Variants in VPS53 observed in about 807,000 individuals in gnomAD.
VPS53 encodes the protein VPS53 subunit of GARP complex.
In VPS53, 70 loss-of-function variants were observed where a neutral mutation model predicts 107.0. The ratio of observed to expected loss-of-function variants is 0.65; its 90% CI spans 0.54 to 0.80. The LOEUF (loss-of-function observed/expected upper bound fraction) is 0.80. Among genes scored for constraint, VPS53 ranks in the 30% least tolerant of loss-of-function variants. VPS53 has a pLI of 0.00. For synonymous variants in VPS53, 409 were observed against 393.3 expected (o/e 1.04, Z -0.47); for missense variants, 917 against 1,049.4 (o/e 0.87, Z 1.74).
At chr17:597,998 T>C (rs1421407573) in intron 12 of VPS53, among the ~76,000 whole-genome samples, 927 of 8,920 alleles carry the variant, frequency 0.1, 10 homozygotes, top group Middle Eastern at 0.25. Flanking sequence ...TCCCTCTCTT[T>C]CCACGGTCTC....
At chr17:558,509 C>G (rs1912646605) in intron 15 of VPS53, among the ~76,000 whole-genome samples, 1 of 152,154 alleles carries the variant, frequency 6.6e-6, no homozygotes, top group South Asian at 2.1e-4. Flanking sequence ...TGATGGGAAC[C>G]CGTAGTCCCA....
At chr17:554,585 T>G (rs1256061641) in intron 15 of VPS53, among the ~76,000 whole-genome samples, 1 of 152,176 alleles carries the variant, frequency 6.6e-6, no homozygotes, top group Non-Finnish European at 1.5e-5. Flanking sequence ...GTATTTTTAG[T>G]AGAGACGGGG....
chr17:534,464 C>A (rs1414921929), intron 18 of VPS53, among the ~76,000 whole-genome samples: 3 of 152,096 alleles, frequency 2.0e-5, no homozygotes, highest in Non-Finnish European at 2.9e-5. Flanking sequence ...GAGATCGGAT[C>A]TGGAGGTGGC....
At chr17:695,427 TAAGCACAGGTCCAGA>T (rs1429642906) in intron 4 of VPS53, among the ~76,000 whole-genome samples, 1 of 152,134 alleles carries the variant, frequency 6.6e-6, no homozygotes, top group African/African-American at 2.4e-5. Context: ...AAAGAGTCTG[TAAGCACAGGTCCAGA>T]AAGCACAGGC....
In VPS53 at chr17:520,041, C is replaced by T. The variant is rs564517359; in HGVS notation, c.2224-111G>A. ...TACCCACCGCAGGAGGAGACGGGAGCGGGCCCTTCAGGAAAACTCACTCCT... is the reference window on the plus strand; with the variant it reads ...TACCCACCGCAGGAGGAGACGGGAGTGGGCCCTTCAGGAAAACTCACTCCT... On this transcript the variant is annotated intron_variant, in intron 20 of 21. Transcript: ENST00000437048. The surrounding 1 kb of genome is among the most constrained non-coding windows in gnomAD (Gnocchi z 4.4). 3.1e-5 allele frequency: 22 copies of T among 715,428 alleles called. No homozygotes were observed. The highest frequency in any genetic ancestry group is 7.7e-5 in the Admixed American group (3 of 38,928). 44.3% of individuals were successfully genotyped at this position (715,428 alleles called of 1,614,324 possible).
intron 12 of VPS53, among the ~76,000 whole-genome samples, chr17:597,863 C>T (rs910601945): frequency 1.3e-5 from 2 of 152,058 alleles, no homozygotes; most frequent in Non-Finnish European, 2.9e-5. Context: ...AGCCACCATT[C>T]CCGGCCATTT....
chr17:708,005 A>T (rs1424593776), intron 2 of VPS53, among the ~76,000 whole-genome samples: 2 of 152,140 alleles, frequency 1.3e-5, no homozygotes, highest in Non-Finnish European at 2.9e-5. Context: ...CACTGTGCAC[A>T]TCTTATGTCT....
intron 13 of VPS53, among the ~76,000 whole-genome samples, chr17:584,125 C>T (rs1597341511): frequency 6.6e-6 from 1 of 152,252 alleles, no homozygotes; most frequent in Non-Finnish European, 1.5e-5. Context: ...TCCCTCAGGA[C>T]TTTCCTGCAG....
chr17:641,147 C>T (rs113734490), intron 7 of VPS53, among the ~76,000 whole-genome samples: 1,816 of 152,150 alleles, frequency 0.012, 28 homozygotes, highest in African/African-American at 0.041. Context: ...TGAGTCACTG[C>T]GCCCAGCCTC....
chr17:613,033 T>A (rs1237711992), intron 11 of VPS53, among the ~76,000 whole-genome samples: 184 of 145,804 alleles, frequency 1.3e-3, no homozygotes, highest in African/African-American at 3.9e-3. Flanking sequence ...CACAGCAGTA[T>A]TCAAATAGTG....
intron 7 of VPS53, among the ~76,000 whole-genome samples, chr17:643,146 T>C (rs556192881): frequency 3.1e-4 from 34 of 108,952 alleles, no homozygotes; most frequent in Non-Finnish European, 4.5e-4. Flanking sequence ...ACAACACTCA[T>C]ACTTGGAAAG....
intron 4 of VPS53, among the ~76,000 whole-genome samples, chr17:691,995 A>G (rs1972792052): frequency 6.6e-6 from 1 of 152,036 alleles, no homozygotes; most frequent in African/African-American, 2.4e-5. Flanking sequence ...GTAAGTGGGG[A>G]CGACTTGTAA....
chr17:664,798 C>T (rs1319995187), intron 4 of VPS53, among the ~76,000 whole-genome samples: 1 of 152,094 alleles, frequency 6.6e-6, no homozygotes, highest in Non-Finnish European at 1.5e-5. Context: ...TCAGGGTTTC[C>T]AGGAAGGTAC....
chr17:552,266 A>T (rs533104825), intron 16 of VPS53, among the ~76,000 whole-genome samples: 1 of 151,102 alleles, frequency 6.6e-6, no homozygotes, highest in Non-Finnish European at 1.5e-5. Flanking sequence ...ATAAAAAGCT[A>T]AGAAAAGTGG....
At chr17:684,605 G>C (rs1257642830) in intron 4 of VPS53, among the ~76,000 whole-genome samples, 1 of 152,146 alleles carries the variant, frequency 6.6e-6, no homozygotes, top group Non-Finnish European at 1.5e-5. Context: ...ATTTAATATT[G>C]TAAAGATGTC....
At chr17:580,236 C>T (rs557897562) in intron 13 of VPS53, among the ~76,000 whole-genome samples, 3 of 150,564 alleles carry the variant, frequency 2.0e-5, no homozygotes, top group Non-Finnish European at 2.9e-5. Context: ...GAAACTAATG[C>T]GTTCCCAGAG....
At chr17:661,947 G>C (rs1309699369) in intron 4 of VPS53, 52 bp from the exon 5 acceptor site, 7 of 1,406,556 alleles carry the variant, frequency 5.0e-6, no homozygotes, top group Non-Finnish European at 5.9e-6. Flanking sequence ...GACAGCTCCA[G>C]TCACTAACTG....
intron 12 of VPS53, among the ~76,000 whole-genome samples, chr17:591,873 T>C (rs759363172): frequency 2.6e-5 from 4 of 152,118 alleles, no homozygotes; most frequent in Non-Finnish European, 4.4e-5. Flanking sequence ...GGAGAGTTGA[T>C]TTGGGGTGGA....
chr17:559,083 C>T (rs17608366), intron 15 of VPS53, among the ~76,000 whole-genome samples: 32,524 of 151,940 alleles, frequency 0.21, 4,122 homozygotes, highest in Non-Finnish European at 0.29. Context: ...AATAATGACC[C>T]TGTAATGATA....
Sources: gnomAD v4.1 joint callset for allele counts (sites outside exome capture counted in the v4.1 genomes callset) on GRCh38, gnomAD v4.1.1 for gene constraint, Gnocchi (gnomAD v3.1) non-coding constraint, MANE v1.5 for transcripts, NCBI Gene and HGNC (gene_info 2026-07-23, HGNC 2026-07-21) for gene names.